OR52N4: variants seen among roughly 807,000 people sequenced by gnomAD.
OR52N4 encodes the protein olfactory receptor 52N4.
A neutral mutation model predicts 15.0 loss-of-function variants in OR52N4; 15 were observed. The ratio of observed to expected loss-of-function variants is 1.00; its 90% CI spans 0.67 to 1.54. The LOEUF (loss-of-function observed/expected upper bound fraction) is 1.54, where lower values mean the gene tolerates loss of function less well. Among genes scored for constraint, OR52N4 ranks in the 40% most tolerant of loss-of-function variants. The pLI is 0.00. For missense variants in OR52N4, 421 were observed against 394.0 expected (o/e 1.07, Z -0.58); for synonymous variants, 143 against 143.7 (o/e 1.00, Z 0.03).
In OR52N4 at chr11:5,754,683, T is replaced by G; in HGVS notation, c.-48-10T>G. Reference sequence around the variant, plus strand: ...CCTATATTTTCTCTTGTTTTTTTTTTTAACTCTAGGAAAGCCCAGACAAAT... The same window carrying G: ...CCTATATTTTCTCTTGTTTTTTTTTGTAACTCTAGGAAAGCCCAGACAAAT... On this transcript the variant is annotated splice_polypyrimidine_tract_variant and intron_variant, in intron 1 of 1. Transcript: ENST00000641350. 1 of 1,494,854 alleles carries G rather than the reference T, an allele frequency of 6.7e-7. No individual in the cohort carries two copies. The highest frequency in any genetic ancestry group is 8.9e-7 in the Non-Finnish European group (1 of 1,118,358). 92.6% of individuals were successfully genotyped at this position (1,494,854 alleles called of 1,614,324 possible). A position where few individuals can be genotyped will look rare whatever the true frequency, so the allele number is the denominator to read the frequency against.
chr11:5,736,996 A>T, the OR52N4 span: 1 of 1,614,164 alleles, frequency 6.2e-7, no homozygotes, highest in Non-Finnish European at 8.5e-7. Context: ...TGGTGCTGAG[A>T]AATGGCTTAT....
the OR52N4 span, chr11:5,737,752 T>C: frequency 3.0e-6 from 1 of 327,952 alleles, no homozygotes; most frequent in Non-Finnish European, 5.6e-6. Flanking sequence ...ATGATTGATA[T>C]CTATCTCTTA....
chr11:5,742,248 T>G, the OR52N4 span, among the ~76,000 whole-genome samples: 1 of 152,016 alleles, frequency 6.6e-6, no homozygotes, highest in Admixed American at 6.6e-5. Flanking sequence ...ACCTCTGAGG[T>G]ATAGGCATTC....
At chr11:5,737,264 TG>T in the OR52N4 span, 1 of 1,614,158 alleles carries the variant, frequency 6.2e-7, no homozygotes, top group Non-Finnish European at 8.5e-7. Flanking sequence ...CCTGAGCACT[TG>T]TAGTTCACAT....
At chr11:5,736,634 C>G in the OR52N4 span, 25 of 1,613,932 alleles carry the variant, frequency 1.5e-5, no homozygotes, top group Non-Finnish European at 2.0e-5. Flanking sequence ...ATCTCTGCCC[C>G]TGGCACTACT....
chr11:5,742,097 G>A, the OR52N4 span, among the ~76,000 whole-genome samples: 7 of 151,260 alleles, frequency 4.6e-5, no homozygotes, highest in Non-Finnish European at 8.8e-5. Context: ...CTAGAAGAAA[G>A]CAAGCAAACA....
rs534275998 is a variant in OR52N4 at position 5,755,945 on chromosome 11, T to A, written c.*239T>A. The A allele has an allele frequency of 1.5e-5, 7 of 474,556 alleles. No individual in the cohort carries two copies. The East Asian group carries it at 2.1e-4, about 14-fold the overall frequency. 29.4% of individuals were successfully genotyped at this position (474,556 alleles called of 1,614,324 possible). A position where few individuals can be genotyped will look rare whatever the true frequency, so the allele number is the denominator to read the frequency against. ...GACCAGTCTAATAATTAAACCATATTTTATTCGACAAAACCTAATGAGTCC... is the reference window on the plus strand; with the variant it reads ...GACCAGTCTAATAATTAAACCATATATTATTCGACAAAACCTAATGAGTCC... On this transcript the variant is annotated 3_prime_UTR_variant, in exon 2 of 2. Transcript: ENST00000641350.
chr11:5,739,776 T>A, the OR52N4 span, among the ~76,000 whole-genome samples: 1 of 128,338 alleles, frequency 7.8e-6, no homozygotes, highest in Non-Finnish European at 1.7e-5. Context: ...ATTAGATGCA[T>A]CTGCACCTTC....
At chr11:5,727,721 C>A in the OR52N4 span, among the ~76,000 whole-genome samples, 2 of 152,124 alleles carry the variant, frequency 1.3e-5, no homozygotes, top group Non-Finnish European at 2.9e-5. Context: ...TGGAGGGTTT[C>A]TACCCTGCTG....
At chr11:5,745,587 G>A in the OR52N4 span, among the ~76,000 whole-genome samples, 2 of 152,056 alleles carry the variant, frequency 1.3e-5, no homozygotes, top group African/African-American at 4.8e-5. Context: ...CTCATGAATT[G>A]GAAGAATCAA....
chr11:5,746,250 A>G, the OR52N4 span, among the ~76,000 whole-genome samples: 1 of 152,188 alleles, frequency 6.6e-6, no homozygotes, highest in Non-Finnish European at 1.5e-5. Flanking sequence ...CAAAGAATTT[A>G]CGAGTAAGTT....
rs767052789 is a variant in OR52N4 at position 5,755,427 on chromosome 11, C to T, written c.687C>T (p.Ser229=). Residue 229 remains serine, a synonymous_variant, in exon 2 of 2, where the codon AGC becomes AGT. Transcript: ENST00000641350. ...SYTMILRAVV[S]LSSADARQKA... is the part of the protein sequence containing the mutation. Reference sequence around the variant, plus strand: ...CCATGATTCTCCGGGCAGTGGTCAGCCTCTCCTCAGCAGATGCTCGGCAGA... The same window carrying T: ...CCATGATTCTCCGGGCAGTGGTCAGTCTCTCCTCAGCAGATGCTCGGCAGA... The T allele has an allele frequency of 1.4e-5, 22 of 1,614,022 alleles. No homozygotes were observed. In the East Asian group the frequency reaches 4.9e-4, roughly 36 times the overall value.
chr11:5,750,852 A>T (rs552230716), upstream of OR52N4, among the ~76,000 whole-genome samples: 76 of 152,116 alleles, frequency 5.0e-4, 1 homozygote, highest in South Asian at 4.4e-3. Flanking sequence ...CCAAAGCTAA[A>T]ATTTCAATTT....
the OR52N4 span, among the ~76,000 whole-genome samples, chr11:5,747,064 G>C: frequency 0.81 from 102,132 of 126,478 alleles, 41,114 homozygotes; most frequent in Non-Finnish European, 0.86. Context: ...AAACCTGTCT[G>C]TAGTAAAAAT....
chr11:5,731,563 AC>A, the OR52N4 span, among the ~76,000 whole-genome samples: 95 of 152,294 alleles, frequency 6.2e-4, no homozygotes, highest in African/African-American at 2.3e-3. Flanking sequence ...CTAAAACATT[AC>A]CAAATGGTAG....
At chr11:5,736,447 T>C in the OR52N4 span, 2 of 1,329,390 alleles carry the variant, frequency 1.5e-6, no homozygotes, top group Admixed American at 1.8e-5. Flanking sequence ...TACAATTTTA[T>C]TTCTGTGGTG....
At chr11:5,751,540 A>G (rs1854191040), upstream of OR52N4, among the ~76,000 whole-genome samples, 3 of 152,092 alleles carry the variant, frequency 2.0e-5, no homozygotes, top group South Asian at 2.1e-4. Flanking sequence ...ATTACTTTTA[A>G]TGGTAAAAAC....
chr11:5,752,696 G>A (rs972941237), upstream of OR52N4, among the ~76,000 whole-genome samples: 35 of 152,110 alleles, frequency 2.3e-4, 1 homozygote, highest in African/African-American at 8.2e-4. Context: ...CCAATTACAT[G>A]TTGATTGATT....
chr11:5,748,758 T>C, the OR52N4 span, among the ~76,000 whole-genome samples: 2 of 152,028 alleles, frequency 1.3e-5, no homozygotes, highest in Non-Finnish European at 2.9e-5. Flanking sequence ...TTTTGATATC[T>C]TTCCCATAGG....
Sources: allele counts gnomAD v4.1 joint callset (sites outside exome capture counted in the v4.1 genomes callset), GRCh38; gene constraint gnomAD v4.1.1; transcripts MANE v1.5; gene names NCBI Gene and HGNC (gene_info 2026-07-23, HGNC 2026-07-21).